HDLBP: variants seen among roughly 807,000 people sequenced by gnomAD.
HDLBP encodes vigilin.
HDLBP carries 30 observed loss-of-function variants against 137.3 expected under a neutral mutation model. That is an observed-to-expected ratio of 0.22 (90% CI 0.16 to 0.30). The LOEUF (loss-of-function observed/expected upper bound fraction) is 0.30, where lower values mean the gene tolerates loss of function less well. Ranked by LOEUF, HDLBP falls within the 10% of genes least tolerant of loss-of-function variation. HDLBP has a pLI of 1.00. For synonymous variants in HDLBP, 606 were observed against 596.0 expected (o/e 1.02, Z -0.24); for missense variants, 1,119 against 1,667.3 (o/e 0.67, Z 5.73).
chr2:241,277,006 A>C (rs538869726), intron 1 of HDLBP, among the ~76,000 whole-genome samples: 1 of 151,982 alleles, frequency 6.6e-6, no homozygotes, highest in Non-Finnish European at 1.5e-5. Flanking sequence ...AAAAAAATTA[A>C]ACAAATAGTA....
At chr2:241,314,123 G>A (rs899727505) in intron 1 of HDLBP, among the ~76,000 whole-genome samples, 5 of 152,172 alleles carry the variant, frequency 3.3e-5, no homozygotes, top group East Asian at 1.9e-4. Flanking sequence ...CAGAGATTCG[G>A]TAATCCAAAT....
intron 1 of HDLBP, among the ~76,000 whole-genome samples, chr2:241,312,033 A>G (rs2075771258): frequency 6.6e-6 from 1 of 152,254 alleles, no homozygotes; most frequent in Non-Finnish European, 1.5e-5. Flanking sequence ...AGGCTGAAGT[A>G]GATACTCTGC....
Position 241,233,795 on chromosome 2 carries a change from G to C in HDLBP, c.3288+25C>G. 2 of 1,613,636 alleles carry C rather than the reference G, an allele frequency of 1.2e-6. No homozygotes were observed. Among genetic ancestry groups the C allele is most frequent in the South Asian group, 1.1e-5 (1 of 91,036 alleles). On this transcript the variant is annotated intron_variant, in intron 24 of 27. Transcript: ENST00000310931. The surrounding 1 kb of genome is among the most constrained non-coding windows in gnomAD (Gnocchi z 4.3). ...AAGGTCAACAAGCACCTCTGCCCCC[G>C]ACACGCTCCAACCGAGGCTCTCACC... is the stretch of plus-strand genomic sequence containing the variant.
In HDLBP at chr2:241,233,095, C is replaced by T. The variant is rs2069974817; in HGVS notation, c.3288+725G>A. Among the ~76,000 whole-genome samples the T allele has an allele frequency of 6.6e-6, 1 of 152,142 alleles. No individual in the cohort carries two copies. The highest frequency in any genetic ancestry group is 1.5e-5 in the Non-Finnish European group (1 of 68,028). On this transcript the variant is annotated intron_variant, in intron 24 of 27. Coordinates refer to ENST00000310931, the MANE Select transcript of HDLBP (RefSeq NM_005336.6). This position sits in a 1 kb window ranked among gnomAD's most constrained non-coding sequence, Gnocchi z 4.3. Reference sequence around the variant, plus strand: ...CAGGGGGTTTGCTGTTTCTGGAAACCAGCACAACTGTGGCCACCAAGGCTT... The same window carrying T: ...CAGGGGGTTTGCTGTTTCTGGAAACTAGCACAACTGTGGCCACCAAGGCTT...
rs1343347691 is a variant in HDLBP, at chr2:241,255,120, G to A, written c.1119C>T (p.Ser373=). The change falls in exon 9 of 28, where the codon TCC becomes TCT. Residue 373 remains serine, a synonymous_variant. Coordinates refer to ENST00000310931, the MANE Select transcript of HDLBP (RefSeq NM_005336.6). The part of the protein sequence containing the change: ...SFTVSSVAAP[S]WLHRFIIGKK... ...TGCCAATGATGAAACGGTGAAGCCA[G>A]GAAGGGGCGGCGACAGAGGAGACGG... The A allele has an allele frequency of 5.0e-6, 8 of 1,614,202 alleles. No homozygotes were observed. In the East Asian group the frequency reaches 1.3e-4, roughly 27 times the overall value.
chr2:241,249,819 A>G (rs1361766012), intron 12 of HDLBP, 22 bp downstream of exon 12: 2 of 1,583,668 alleles, frequency 1.3e-6, no homozygotes, highest in East Asian at 2.2e-5. Context: ...GCCTTTCTAG[A>G]GGGCCCAGCC....
chr2:241,310,255 G>A (rs181611305), intron 1 of HDLBP, among the ~76,000 whole-genome samples: 2 of 152,272 alleles, frequency 1.3e-5, no homozygotes, highest in Admixed American at 6.5e-5. Context: ...AGGGCTGGAA[G>A]ACAAACTTGA....
chr2:241,234,368 G>A (rs561434084), intron 23 of HDLBP, among the ~76,000 whole-genome samples: 30 of 152,302 alleles, frequency 2.0e-4, no homozygotes, highest in Non-Finnish European at 3.5e-4. Context: ...AGAAGAGGGG[G>A]CAGCCACAGC....
intron 9 of HDLBP, among the ~76,000 whole-genome samples, chr2:241,254,138 G>A (rs1001057311): frequency 2.0e-5 from 3 of 152,092 alleles, no homozygotes; most frequent in African/African-American, 4.8e-5. Context: ...AGCCTGGGGC[G>A]CCTGTAGTGC....
At chr2:241,295,554 T>A (rs2075146263) in intron 1 of HDLBP, among the ~76,000 whole-genome samples, 1 of 152,002 alleles carries the variant, frequency 6.6e-6, no homozygotes, top group Non-Finnish European at 1.5e-5. Context: ...TCACAAAAGA[T>A]GTCTGTTCTA....
chr2:241,298,070 AAAAAAAAAAAAAG>A (rs2075251567), intron 1 of HDLBP, among the ~76,000 whole-genome samples: 2 of 145,448 alleles, frequency 1.4e-5, no homozygotes, highest in East Asian at 2.0e-4. Context: ...AAAAAAAAAA[AAAAAAAAAAAAAG>A]GGCCAGGCAT....
chr2:241,300,719 G>A (rs1026778568), intron 1 of HDLBP, among the ~76,000 whole-genome samples: 1 of 152,058 alleles, frequency 6.6e-6, no homozygotes, highest in Non-Finnish European at 1.5e-5. Flanking sequence ...CACAGGCCAG[G>A]TCCTCCTCTC....
At chr2:241,259,932 G>T (rs572731020) in intron 5 of HDLBP, among the ~76,000 whole-genome samples, 4 of 152,216 alleles carry the variant, frequency 2.6e-5, no homozygotes, top group South Asian at 4.1e-4. Flanking sequence ...GCTGACTCAA[G>T]GTCTGTGGAA....
At chr2:241,308,544 C>T (rs1380585254) in intron 1 of HDLBP, among the ~76,000 whole-genome samples, 3 of 152,200 alleles carry the variant, frequency 2.0e-5, no homozygotes, top group African/African-American at 7.2e-5. Context: ...CATTAACCTA[C>T]TCTGCTTTAA....
At chr2:241,307,437 G>C (rs1002161190) in intron 1 of HDLBP, among the ~76,000 whole-genome samples, 1 of 152,142 alleles carries the variant, frequency 6.6e-6, no homozygotes, top group African/African-American at 2.4e-5. Flanking sequence ...GAATGGGATG[G>C]GTAGGGGCTA....
intron 20 of HDLBP, among the ~76,000 whole-genome samples, chr2:241,237,332 G>A (rs2070665486): frequency 1.3e-5 from 2 of 152,326 alleles, no homozygotes; most frequent in South Asian, 4.1e-4. Flanking sequence ...CGTGTGAACA[G>A]GACACAGAAG....
intron 16 of HDLBP, among the ~76,000 whole-genome samples, chr2:241,244,421 G>A (rs1423296709): frequency 1.3e-5 from 2 of 152,124 alleles, no homozygotes; most frequent in African/African-American, 2.4e-5. Flanking sequence ...GCTCAGAGAC[G>A]GTGGTAAAAC....
intron 1 of HDLBP, among the ~76,000 whole-genome samples, chr2:241,290,436 C>A (rs1246033047): frequency 1.3e-5 from 2 of 152,094 alleles, no homozygotes; most frequent in East Asian, 1.9e-4. Flanking sequence ...CATGGAGGAA[C>A]CCCGTCTCTA....
At position 241,272,146 on chromosome 2, in the gene HDLBP, T is replaced by C. The variant is rs2074097509; in HGVS notation, c.-102-3605A>G. On this transcript the variant is annotated intron_variant, in intron 1 of 27. Coordinates refer to ENST00000310931, the MANE Select transcript of HDLBP (RefSeq NM_005336.6). This position sits in a 1 kb window ranked among gnomAD's most constrained non-coding sequence, Gnocchi z 5.6. ...GCACTCCAGGCCCAAGAAGAGCAGC[T>C]TTCCCCACCCCCGAACACGTAGACT... The C allele has an allele frequency of 2.0e-6, 2 of 983,858 alleles. No homozygotes were observed. Among genetic ancestry groups the C allele is most frequent in the Admixed American group, 6.1e-5 (1 of 16,270 alleles). The allele number at this position is 983,858 out of a possible 1,614,324, so 60.9% of individuals were successfully genotyped here.
Sources: allele counts gnomAD v4.1 joint callset (sites outside exome capture counted in the v4.1 genomes callset), GRCh38; gene constraint gnomAD v4.1.1; non-coding constraint Gnocchi (gnomAD v3.1); transcripts MANE v1.5; gene names NCBI Gene and HGNC (gene_info 2026-07-23, HGNC 2026-07-21).